Variants in BBS9 observed in about 807,000 individuals in gnomAD.
BBS9 encodes protein PTHB1.
A neutral mutation model predicts 117.7 loss-of-function variants in BBS9; 89 were observed. The observed-to-expected ratio is 0.76, with a 90% CI of 0.64 to 0.90. BBS9 has a LOEUF of 0.90. Among genes scored for constraint, BBS9 ranks in the 40% least tolerant of loss-of-function variants. The pLI is 0.00. For missense variants in BBS9, 982 were observed against 1,042.2 expected, an observed-to-expected ratio of 0.94 and a Z score of 0.80; for synonymous variants, 379 against 370.9, an observed-to-expected ratio of 1.02 and a Z score of -0.25.
At position 33,233,181 on chromosome 7, in the gene BBS9, G is replaced by A. The variant is rs186284314; in HGVS notation, c.443-24055G>A. Among the ~76,000 whole-genome samples, 90 of 152,190 alleles carry A rather than the reference G, an allele frequency of 5.9e-4. 1 individual carries two copies. Among genetic ancestry groups the A allele is most frequent in the Non-Finnish European group, 1.1e-3 (78 of 67,990 alleles). ...CTGAATCTTGGCACCCATTGTTTGG[G>A]TGGCTATTGGTGATGCGAAAGTGTT... On this transcript the variant is annotated intron_variant, in intron 5 of 22. Transcript: ENST00000242067.
intron 9 of BBS9, among the ~76,000 whole-genome samples, chr7:33,281,677 A>G (rs1408700489): frequency 6.6e-6 from 1 of 151,498 alleles, no homozygotes; most frequent in African/African-American, 2.4e-5. Context: ...TGTCTGGCCA[A>G]TGCTTCATCT....
At chr7:33,300,251 C>T (rs1326710880) in intron 9 of BBS9, among the ~76,000 whole-genome samples, 1 of 152,086 alleles carries the variant, frequency 6.6e-6, no homozygotes, top group Non-Finnish European at 1.5e-5. Context: ...TCTCCAGTCT[C>T]TTGCCAATGA....
chr7:33,471,032 T>C (rs139274816), intron 19 of BBS9, among the ~76,000 whole-genome samples: 235 of 152,358 alleles, frequency 1.5e-3, no homozygotes, highest in African/African-American at 5.3e-3. Flanking sequence ...GTCTTCAATG[T>C]GACATCTTCA....
intron 19 of BBS9, among the ~76,000 whole-genome samples, chr7:33,504,340 A>G (rs923719643): frequency 6.6e-6 from 1 of 152,142 alleles, no homozygotes; most frequent in Non-Finnish European, 1.5e-5. Context: ...TCTCTTTTCC[A>G]GTATCTCCGA....
At chr7:33,245,734 GT>G (rs1183386499) in intron 5 of BBS9, among the ~76,000 whole-genome samples, 2 of 152,208 alleles carry the variant, frequency 1.3e-5, no homozygotes, top group Middle Eastern at 3.4e-3. Flanking sequence ...TGATGGTTCA[GT>G]TTAGTTAAAC....
At chr7:33,567,243 C>A (rs1445803771) in intron 21 of BBS9, among the ~76,000 whole-genome samples, 2 of 152,140 alleles carry the variant, frequency 1.3e-5, no homozygotes, top group Non-Finnish European at 2.9e-5. Context: ...TATATAAACT[C>A]ATTTCTTCTC....
At chr7:33,491,869 G>A (rs1843955907) in intron 19 of BBS9, among the ~76,000 whole-genome samples, 1 of 151,984 alleles carries the variant, frequency 6.6e-6, no homozygotes, top group Admixed American at 6.6e-5. Flanking sequence ...TTGTCTTCAG[G>A]TATATGACAT....
At chr7:33,318,125 C>A (rs1176976841) in intron 9 of BBS9, among the ~76,000 whole-genome samples, 1 of 152,040 alleles carries the variant, frequency 6.6e-6, no homozygotes, top group Non-Finnish European at 1.5e-5. Flanking sequence ...AAAGCAAAAC[C>A]CCCTTGCATA....
At chr7:33,311,238 A>T (rs1028140867) in intron 9 of BBS9, among the ~76,000 whole-genome samples, 1 of 152,072 alleles carries the variant, frequency 6.6e-6, no homozygotes, top group African/African-American at 2.4e-5. Flanking sequence ...AGGGTAGGGG[A>T]TGGGAGGTAG....
intron 5 of BBS9, among the ~76,000 whole-genome samples, chr7:33,196,328 A>G (rs941570721): frequency 1.3e-5 from 2 of 152,112 alleles, no homozygotes; most frequent in Non-Finnish European, 2.9e-5. Context: ...CTTATCTGCC[A>G]AGAAAATGTA....
intron 20 of BBS9, among the ~76,000 whole-genome samples, chr7:33,525,209 A>T (rs1382584841): frequency 6.6e-6 from 1 of 151,606 alleles, no homozygotes; most frequent in Non-Finnish European, 1.5e-5. Context: ...TGGTGCTGAA[A>T]AAAATGTATA....
At chr7:33,361,590 T>A (rs564858246) in intron 16 of BBS9, among the ~76,000 whole-genome samples, 4 of 152,304 alleles carry the variant, frequency 2.6e-5, no homozygotes, top group African/African-American at 7.2e-5. Flanking sequence ...TTAAATCTTT[T>A]AAAATTTTTG....
intron 5 of BBS9, among the ~76,000 whole-genome samples, chr7:33,230,528 T>C (rs1380949678): frequency 6.6e-6 from 1 of 152,236 alleles, no homozygotes; most frequent in African/African-American, 2.4e-5. Context: ...ACCCAAATAG[T>C]GCACATTGCA....
At chr7:33,397,336 T>C (rs932601696) in intron 19 of BBS9, among the ~76,000 whole-genome samples, 3 of 152,022 alleles carry the variant, frequency 2.0e-5, no homozygotes, top group Non-Finnish European at 4.4e-5. Flanking sequence ...ACTGATGAGG[T>C]TGAAGAGAAA....
At chr7:33,440,284 A>G (rs1287441960) in intron 19 of BBS9, among the ~76,000 whole-genome samples, 1 of 152,178 alleles carries the variant, frequency 6.6e-6, no homozygotes, top group Non-Finnish European at 1.5e-5. Flanking sequence ...AGTGTTATCA[A>G]TATTTTTCTA....
intron 19 of BBS9, among the ~76,000 whole-genome samples, chr7:33,399,322 T>A (rs906446500): frequency 2.0e-5 from 3 of 152,248 alleles, no homozygotes; most frequent in Non-Finnish European, 4.4e-5. Flanking sequence ...TAGCAGGCAG[T>A]TGTGAAGCAC....
At chr7:33,341,951 G>A (rs1225575458) in intron 11 of BBS9, among the ~76,000 whole-genome samples, 1 of 152,080 alleles carries the variant, frequency 6.6e-6, no homozygotes, top group Non-Finnish European at 1.5e-5. Flanking sequence ...AAATTGATCT[G>A]TGTAGAAATC....
At chr7:33,390,659 G>A (rs3779239) in intron 19 of BBS9, 494,018 of 917,598 alleles carry the variant, frequency 0.54, 133,259 homozygotes, top group African/African-American at 0.61. Flanking sequence ...CGTTTAGTCA[G>A]TTTTTTAATG....
chr7:33,259,998 T>A (rs1405957725), intron 6 of BBS9, among the ~76,000 whole-genome samples: 1 of 103,872 alleles, frequency 9.6e-6, no homozygotes, highest in African/African-American at 3.6e-5. Flanking sequence ...AGACCTAGAC[T>A]TTTTTCTTTT....
Sources: gnomAD v4.1 joint callset for allele counts (sites outside exome capture counted in the v4.1 genomes callset) on GRCh38, gnomAD v4.1.1 for gene constraint, MANE v1.5 for transcripts, NCBI Gene and HGNC (gene_info 2026-07-23, HGNC 2026-07-21) for gene names.